DNAAF9: variants seen among roughly 807,000 people sequenced by gnomAD.
DNAAF9 encodes the protein dynein axonemal assembly factor 9.
In DNAAF9, 90 loss-of-function variants were observed where a neutral mutation model predicts 167.0. The ratio of observed to expected loss-of-function variants is 0.54; its 90% CI spans 0.45 to 0.64. The LOEUF is 0.64. Ranked by LOEUF, DNAAF9 falls within the 30% of genes least tolerant of loss-of-function variation. The pLI, the probability that DNAAF9 is intolerant of heterozygous loss-of-function variation, is 0.00. For synonymous variants in DNAAF9, 491 were observed against 508.8 expected (o/e 0.96, Z 0.47); for missense variants, 1,315 against 1,442.2 (o/e 0.91, Z 1.43).
At chr20:3,365,774 G>T (rs1190204501) in intron 6 of DNAAF9, among the ~76,000 whole-genome samples, 1 of 152,166 alleles carries the variant, frequency 6.6e-6, no homozygotes, top group Non-Finnish European at 1.5e-5. Flanking sequence ...TATTAACTAA[G>T]TTTGCAGAAT....
intron 25 of DNAAF9, among the ~76,000 whole-genome samples, chr20:3,291,618 C>T (rs936477075): frequency 4.6e-5 from 7 of 152,308 alleles, no homozygotes; most frequent in African/African-American, 1.4e-4. Context: ...GCTGGGATTA[C>T]AGGCGTGAGC....
intron 7 of DNAAF9, among the ~76,000 whole-genome samples, chr20:3,351,896 GTGATCTCAGTGGCA>G (rs1401794873): frequency 2.4e-4 from 37 of 151,790 alleles, no homozygotes; most frequent in African/African-American, 8.7e-4. Flanking sequence ...TCACCCAGGC[GTGATCTCAGTGGCA>G]TGATCTCAGC....
Position 3,371,197 on chromosome 20 carries a change from A to G in DNAAF9, c.612+2851T>C, listed in dbSNP as rs1328503751. Among the ~76,000 whole-genome samples the G allele has an allele frequency of 2.0e-5, 3 of 147,142 alleles. No individual in the cohort carries two copies. The East Asian group carries it at 5.9e-4, about 29-fold the overall frequency. The stretch of plus-strand genomic sequence containing the variant: ...TTGAGACTTCCTACAATCTTTTCTT[A>G]TATGTCTTCCATCTCCCTTTTTAAT... On this transcript the variant is annotated intron_variant, in intron 6 of 36. Transcript: ENST00000252032.
chr20:3,395,249 G>GCT (rs1438862217), intron 1 of DNAAF9, among the ~76,000 whole-genome samples: 6 of 138,580 alleles, frequency 4.3e-5, no homozygotes, highest in African/African-American at 1.8e-4. Flanking sequence ...GGGATTACAG[G>GCT]CGTGAGCCAC....
rs756345871 is a variant in DNAAF9, at chr20:3,298,113, G to A, written c.1845C>T (p.Leu615=). 6.2e-7 allele frequency: 1 copy of A among 1,612,598 alleles called. No individual in the cohort carries two copies. The highest frequency in any genetic ancestry group is 8.5e-7 in the Non-Finnish European group (1 of 1,178,580). Reference sequence around the variant, plus strand: ...TGCTTGATCCATGGAAATGAACTGGGAGGTGAGGAAGCAATGAGCTTTTGA... The same window carrying A: ...TGCTTGATCCATGGAAATGAACTGGAAGGTGAGGAAGCAATGAGCTTTTGA... ...IDFKSSLLPH[L]PVHFHGSSNF... is the part of the protein sequence containing the mutation. Residue 615 remains leucine, a synonymous_variant, in exon 22 of 37, where the codon CTC becomes CTT. Coordinates refer to ENST00000252032, the MANE Select transcript of DNAAF9 (RefSeq NM_001009984.3).
intron 20 of DNAAF9, among the ~76,000 whole-genome samples, chr20:3,312,360 C>A (rs2069429396): frequency 6.6e-6 from 1 of 151,980 alleles, no homozygotes; most frequent in South Asian, 2.1e-4. Flanking sequence ...ATCCTCCAGA[C>A]CTGGACTACC....
chr20:3,407,276 G>C (rs950099755), intron 1 of DNAAF9, among the ~76,000 whole-genome samples, 199 bp downstream of exon 1: 1 of 152,048 alleles, frequency 6.6e-6, no homozygotes, highest in African/African-American at 2.4e-5. Context: ...AAACCGTTGC[G>C]GGGTTGTCCA....
intron 31 of DNAAF9, among the ~76,000 whole-genome samples, chr20:3,262,965 CTTTTTTTT>C (rs796491974): frequency 1.2e-5 from 1 of 81,286 alleles, no homozygotes; most frequent in African/African-American, 4.7e-5. Flanking sequence ...CATAGCAGAT[CTTTTTTTT>C]TTTTTTTTTT....
rs748599169 is a variant in DNAAF9, at chr20:3,332,368, G to C, written c.982-7C>G. 1.3e-5 allele frequency: 20 copies of C among 1,553,596 alleles called. No homozygotes were observed. The highest frequency in any genetic ancestry group is 1.7e-5 in the Admixed American group (1 of 59,272). On this transcript the variant is annotated splice_polypyrimidine_tract_variant and splice_region_variant and intron_variant, in intron 10 of 36. Coordinates refer to ENST00000252032, the MANE Select transcript of DNAAF9 (RefSeq NM_001009984.3). ...GTGAGACACACTGGGCTACCTGGAT[G>C]TCAGAAAAAAATAAAAATAAAAAGG...
At chr20:3,310,341 G>GAAAGAAAGAAAGAAAGAAA (rs2069386542) in intron 20 of DNAAF9, among the ~76,000 whole-genome samples, 1 of 138,134 alleles carries the variant, frequency 7.2e-6, no homozygotes, top group African/African-American at 2.7e-5. Flanking sequence ...GAAAAAGAAA[G>GAAAGAAAGAAAGAAAGAAA]AAAGAAAGAA....
chr20:3,405,448 G>A (rs892454068), intron 1 of DNAAF9, among the ~76,000 whole-genome samples: 4 of 152,174 alleles, frequency 2.6e-5, no homozygotes, highest in African/African-American at 9.7e-5. Flanking sequence ...AGGCTTGAAT[G>A]GGCAAGAAAA....
At chr20:3,296,446 C>T (rs1158039398) in intron 23 of DNAAF9, 7 of 297,082 alleles carry the variant, frequency 2.4e-5, no homozygotes, top group East Asian at 8.3e-5. Flanking sequence ...GGCATGGTCA[C>T]GGCTCACTGC....
At chr20:3,330,866 A>G (rs1309907271) in intron 11 of DNAAF9, among the ~76,000 whole-genome samples, 184 bp from the exon 12 acceptor site, 1 of 147,038 alleles carries the variant, frequency 6.8e-6, no homozygotes, top group Non-Finnish European at 1.5e-5. Flanking sequence ...ATCTCGGCTC[A>G]CTGCAACCTC....
Position 3,382,471 on chromosome 20 carries a change from G to A in DNAAF9, c.119C>T (p.Thr40Ile). 2 of 1,613,966 alleles carry A rather than the reference G, an allele frequency of 1.2e-6. No individual in the cohort carries two copies. Among genetic ancestry groups the A allele is most frequent in the Non-Finnish European group, 1.7e-6 (2 of 1,179,880 alleles). Reference protein sequence around the residue: ...SRLRQVQSILTQSSKSRPDGI... With the variant: ...SRLRQVQSILIQSSKSRPDGI... ...ATCCGGCCGAGACTTGCTGCTCTGG[G>A]TCAGGATGCTCTGAACCTGCCGAAG... Residue 40 changes from threonine (T) to isoleucine (I), a missense_variant, in exon 2 of 37, where the codon ACC becomes ATC. Physicochemically the swap from Thr to Ile is moderately conservative, Grantham distance 89 (BLOSUM62 -1). This residue lies in a region of DNAAF9 where 981 missense variants were observed against 1,012.5 expected (regional missense o/e 0.97). Transcript: ENST00000252032.
At chr20:3,259,212 CA>C (rs1173222561) in intron 33 of DNAAF9, among the ~76,000 whole-genome samples, 4 of 152,176 alleles carry the variant, frequency 2.6e-5, no homozygotes, top group African/African-American at 4.8e-5. Context: ...ACAAGAAGGT[CA>C]AAAAGCTGTG....
chr20:3,406,512 T>A (rs893956845), intron 1 of DNAAF9, among the ~76,000 whole-genome samples: 10 of 152,060 alleles, frequency 6.6e-5, no homozygotes, highest in African/African-American at 2.4e-4. Flanking sequence ...AACCCCTCCA[T>A]CATTCCAACC....
At chr20:3,296,223 C>A in intron 23 of DNAAF9, 1 of 515,254 alleles carries the variant, frequency 1.9e-6, no homozygotes. Flanking sequence ...GAGCCAGGAC[C>A]GCACCACTGC....
At chr20:3,407,255 C>A (rs1261654946) in intron 1 of DNAAF9, among the ~76,000 whole-genome samples, 9 of 152,094 alleles carry the variant, frequency 5.9e-5, no homozygotes, top group Admixed American at 5.9e-4. Context: ...TGTGGGGGAG[C>A]CATTGTGGGG....
intron 10 of DNAAF9, among the ~76,000 whole-genome samples, chr20:3,333,395 A>C (rs1392678296): frequency 6.6e-6 from 1 of 152,230 alleles, no homozygotes; most frequent in Non-Finnish European, 1.5e-5. Flanking sequence ...AGTACAATAT[A>C]CAAAAAGTAG....
Sources: allele counts gnomAD v4.1 joint callset (sites outside exome capture counted in the v4.1 genomes callset), GRCh38; gene constraint gnomAD v4.1.1; regional missense constraint gnomAD v4.1.1; transcripts MANE v1.5; gene names NCBI Gene and HGNC (gene_info 2026-07-23, HGNC 2026-07-21).